The following LOXL4 variants were observed in gnomAD, a reference collection of about 807,000 sequenced individuals.
The protein encoded by LOXL4 is lysyl oxidase homolog 4.
Under a neutral mutation model 89.1 loss-of-function variants are expected in LOXL4, and 72 were observed. The observed-to-expected ratio is 0.81, with a 90% confidence interval of 0.67 to 0.98. The LOEUF (loss-of-function observed/expected upper bound fraction) is 0.98, where lower values mean the gene tolerates loss of function less well. LOXL4 is among the 50% of genes least tolerant of loss of function. The pLI is 0.00. For synonymous variants in LOXL4, 355 were observed against 392.1 expected (o/e 0.91, Z 1.12); for missense variants, 984 against 1,017.5 (o/e 0.97, Z 0.45).
chr10:98,252,325 T>C, intron 12 of LOXL4, 28 bp downstream of exon 12: 1 of 1,499,764 alleles, frequency 6.7e-7, no homozygotes, highest in Non-Finnish European at 9.3e-7. Context: ...AAGGAGATGC[T>C]GATAGGTGCT....
In LOXL4 at chr10:98,262,987, C is replaced by T. The variant is rs756748478; in HGVS notation, c.33G>A (p.Leu11=). 2 of 1,613,710 alleles carry T rather than the reference C, an allele frequency of 1.2e-6. No homozygotes were observed. The highest frequency in any genetic ancestry group is 1.7e-6 in the Non-Finnish European group (2 of 1,180,010). MAWSPPATLF[L]FLLLLGQPPP... Reference sequence around the variant, plus strand: ...GGGGCTGGCCTAGCAGCAGCAGGAACAGAAAGAGGGTGGCTGGTGGGGACC... The same window carrying T: ...GGGGCTGGCCTAGCAGCAGCAGGAATAGAAAGAGGGTGGCTGGTGGGGACC... Residue 11 remains leucine (L), a synonymous_variant, in exon 2 of 15, where the codon CTG becomes CTA. Coordinates refer to ENST00000260702, the MANE Select transcript of LOXL4 (RefSeq NM_032211.7).
At chr10:98,263,274 A>AACTT (rs1858599263) in intron 1 of LOXL4, among the ~76,000 whole-genome samples, 1 of 152,030 alleles carries the variant, frequency 6.6e-6, no homozygotes, top group South Asian at 2.1e-4. Context: ...AGGAAGTTTA[A>AACTT]ACTTAACCTC....
At position 98,260,813 on chromosome 10, in the gene LOXL4, AC is replaced by A. The variant is rs1858513358; in HGVS notation, c.662+108del. The A allele has an allele frequency of 9.4e-6, 11 of 1,167,906 alleles. No individual in the cohort carries two copies. In the South Asian group the frequency reaches 1.5e-4, roughly 16 times the overall value. 72.3% of individuals were successfully genotyped at this position (1,167,906 alleles called of 1,614,324 possible). A position where few individuals can be genotyped will look rare whatever the true frequency, so the allele number is the denominator to read the frequency against. On this transcript the variant is annotated intron_variant, in intron 4 of 14. Transcript: ENST00000260702. ...TTACTTGCCCCTCACATGAGTCCACACTCAGACTCATGCACACACCCTACAT... is the reference window on the plus strand; with the variant it reads ...TTACTTGCCCCTCACATGAGTCCACATCAGACTCATGCACACACCCTACAT...
intron 10 of LOXL4, among the ~76,000 whole-genome samples, chr10:98,255,336 C>T (rs890698938): frequency 2.6e-5 from 4 of 152,214 alleles, no homozygotes; most frequent in Admixed American, 6.5e-5. Context: ...TGAAAACCGC[C>T]GTTCCGTGTC....
intron 12 of LOXL4, chr10:98,251,949 CTAAT>C: frequency 1.8e-6 from 1 of 545,218 alleles, no homozygotes; most frequent in African/African-American, 1.9e-5. Flanking sequence ...CGCTCCCGTG[CTAAT>C]TTACTTGTGC....
chr10:98,260,998 T>C lies in LOXL4; in HGVS notation c.586A>G (p.Thr196Ala). The C allele has an allele frequency of 6.2e-7, 1 of 1,614,002 alleles. No individual in the cohort carries two copies. The change falls in exon 4 of 15, where the codon ACC becomes GCC. Residue 196 changes from threonine (T) to alanine (A), a missense_variant. By Grantham distance (58) the Thr-to-Ala change is moderately conservative. Transcript: ENST00000260702. The stretch of plus-strand genomic sequence containing the variant: ...CACACCACCCTGCTGTTGTTCATGG[T>C]CCAGCCCTGGTCACACACCTGCCGC... ...HWRQVCDQGW[T>A]MNNSRVVCGM...
intron 10 of LOXL4, among the ~76,000 whole-genome samples, chr10:98,254,239 G>T (rs373155374): frequency 6.6e-6 from 1 of 152,234 alleles, no homozygotes; most frequent in East Asian, 1.9e-4. Context: ...AGCCTGTAAA[G>T]TGCCTTTATG....
In LOXL4 at chr10:98,251,078, G is replaced by C; in HGVS notation, c.2187C>G (p.His729Gln). The C allele has an allele frequency of 1.2e-6, 2 of 1,613,768 alleles. No homozygotes were observed. The highest frequency in any genetic ancestry group is 1.3e-5 in the African/African-American group (1 of 75,064). ...CKYDGHRVWL[H>Q]NCHTGNSYPA... ...GCTCGGAGTTACCTGTGTGGCAGTT[G>C]TGCAGCCAGACCCGGTGCCCATCAT... Residue 729 changes from histidine to glutamine, a missense_variant, in exon 14 of 15, where the codon CAC becomes CAG. Coordinates refer to ENST00000260702, the MANE Select transcript of LOXL4 (RefSeq NM_032211.7).
chr10:98,252,310 A>G (rs1262555881), intron 12 of LOXL4, 43 bp downstream of exon 12: 1 of 1,442,492 alleles, frequency 6.9e-7, no homozygotes, highest in Non-Finnish European at 9.7e-7. Flanking sequence ...TGAAGAACAT[A>G]ACAAAAGGAG....
chr10:98,253,802 G>A lies in LOXL4; in HGVS notation c.1592-6C>T, dbSNP rs1262250448. ...CATCACCAGGTCTGGTGCACCTGGG[G>A]CGGCGGAGGGCATGGCAGTGACTCA... is the stretch of plus-strand genomic sequence containing the variant. On this transcript the variant is annotated splice_region_variant and splice_polypyrimidine_tract_variant and intron_variant, in intron 10 of 14. Coordinates refer to ENST00000260702, the MANE Select transcript of LOXL4 (RefSeq NM_032211.7). The A allele has an allele frequency of 1.2e-6, 2 of 1,613,732 alleles. No homozygotes were observed. Among genetic ancestry groups the A allele is most frequent in the East Asian group, 2.2e-5 (1 of 44,884 alleles).
At position 98,247,922 on chromosome 10, in the gene LOXL4, G is replaced by A. The variant is rs960655806; in HGVS notation, c.*999C>T. ...CTGTTCCCCCTTCTGATTTCTCCAC[G>A]GTCTTCTGTCTCTTGCTCTGCCAAA... On this transcript the variant is annotated 3_prime_UTR_variant, in exon 15 of 15. Transcript: ENST00000260702. 2 of 152,168 alleles carry A rather than the reference G, an allele frequency of 1.3e-5. No homozygotes were observed. Among genetic ancestry groups the A allele is most frequent in the African/African-American group, 2.4e-5 (1 of 41,422 alleles). The allele number at this position is 152,168 out of a possible 1,614,324, so 9.4% of individuals were successfully genotyped here.
In LOXL4 at chr10:98,253,660, G is replaced by A. The variant is rs368856017; in HGVS notation, c.1728C>T (p.Tyr576=). 1.2e-5 allele frequency: 19 copies of A among 1,614,240 alleles called. No individual in the cohort carries two copies. Among genetic ancestry groups the A allele is most frequent in the Admixed American group, 5.0e-5 (3 of 60,034 alleles). The change falls in exon 11 of 15, where the codon TAC becomes TAT. Residue 576 remains tyrosine, a synonymous_variant. Coordinates refer to ENST00000260702, the MANE Select transcript of LOXL4 (RefSeq NM_032211.7). ...SKSADHMDWP[Y]GYRRLLRFST... is the part of the protein sequence containing the mutation. ...AGAAGCGCAATAGGCGGCGGTATCC[G>A]TAGGGCCAGTCCATGTGATCCGCAG...
chr10:98,258,027 G>A lies in LOXL4; in HGVS notation c.1059C>T (p.Gly353=), dbSNP rs1222569989. The change falls in exon 7 of 15, where the codon GGC becomes GGT. Residue 353 remains glycine (G), a synonymous_variant. Transcript: ENST00000260702. ...ISASVVCRQL[G]FGSAREALFG... is the part of the protein sequence containing the mutation. ...AGAGGGCCTCCCGAGCAGAGCCAAA[G>A]CCCAGCTGACGACACACGACACTGG... is the stretch of plus-strand genomic sequence containing the variant. 6.2e-7 allele frequency: 1 copy of A among 1,613,918 alleles called. No individual in the cohort carries two copies. Among genetic ancestry groups the A allele is most frequent in the East Asian group, 2.2e-5 (1 of 44,884 alleles).
In LOXL4 at chr10:98,258,083, C is replaced by A; in HGVS notation, c.1003G>T (p.Val335Phe). The change falls in exon 7 of 15, where the codon GTC becomes TTC. Residue 335 changes from valine to phenylalanine, a missense_variant. Coordinates refer to ENST00000260702, the MANE Select transcript of LOXL4 (RefSeq NM_032211.7). ...ATGAGGTTCCACCTGTGGTCACAGA[C>A]CGTGCCCCACTGGCGGTTCATGAGC... ...EVLMNRQWGT[V>F]CDHRWNLISA... The A allele has an allele frequency of 6.2e-7, 1 of 1,613,716 alleles. No homozygotes were observed. Among genetic ancestry groups the A allele is most frequent in the Non-Finnish European group, 8.5e-7 (1 of 1,180,036 alleles).
intron 1 of LOXL4, among the ~76,000 whole-genome samples, chr10:98,264,961 T>A (rs1858642999): frequency 6.6e-6 from 1 of 152,204 alleles, no homozygotes; most frequent in East Asian, 1.9e-4. Flanking sequence ...TCTGCCCTAC[T>A]CCCTCTCAAC....
At chr10:98,261,907 C>T in intron 3 of LOXL4, 128 bp downstream of exon 3, 1 of 991,118 alleles carries the variant, frequency 1.0e-6, no homozygotes, top group Non-Finnish European at 1.4e-6. Flanking sequence ...GAGTCGGCGG[C>T]CTGGGGACGA....
At position 98,248,136 on chromosome 10, in the gene LOXL4, G is replaced by C. The variant is rs1023283395; in HGVS notation, c.*785C>G. The C allele has an allele frequency of 6.6e-6, 1 of 152,206 alleles. No homozygotes were observed. Among genetic ancestry groups the C allele is most frequent in the African/African-American group, 2.4e-5 (1 of 41,444 alleles). The allele number at this position is 152,206 out of a possible 1,614,324, so 9.4% of individuals were successfully genotyped here. On this transcript the variant is annotated 3_prime_UTR_variant, in exon 15 of 15. Coordinates refer to ENST00000260702, the MANE Select transcript of LOXL4 (RefSeq NM_032211.7). ...GTAAATGGTCCATATTATTTCCTTG[G>C]CAGAGGCCCTGACAGGGGCTGGGGT... is the stretch of plus-strand genomic sequence containing the variant.
chr10:98,252,506 G>A, intron 11 of LOXL4, 38 bp from the exon 12 acceptor site: 1 of 1,436,392 alleles, frequency 7.0e-7, no homozygotes, highest in Admixed American at 1.7e-5. Context: ...GGCAGCAACA[G>A]GAGAGGGTCC....
At chr10:98,252,617 T>C in intron 11 of LOXL4, 149 bp from the exon 12 acceptor site, 1 of 593,438 alleles carries the variant, frequency 1.7e-6, no homozygotes, top group Non-Finnish European at 3.0e-6. Context: ...AACCCGAGAT[T>C]AGTGTGACGC....
Sources: gnomAD v4.1 joint callset for allele counts (sites outside exome capture counted in the v4.1 genomes callset) on GRCh38, gnomAD v4.1.1 for gene constraint, MANE v1.5 for transcripts, NCBI Gene and HGNC (gene_info 2026-07-23, HGNC 2026-07-21) for gene names.